The following CCDC178 variants were observed in gnomAD, a reference collection of about 807,000 sequenced individuals.
CCDC178 encodes the protein coiled-coil domain-containing protein 178.
CCDC178 carries 126 observed loss-of-function variants against 117.4 expected under a neutral mutation model. That is an observed-to-expected ratio of 1.07 (90% CI 0.93 to 1.24). The LOEUF (loss-of-function observed/expected upper bound fraction) is 1.24. CCDC178 is among the 50% of genes most tolerant of loss of function. CCDC178 has a pLI of 0.00. For missense variants in CCDC178, 1,030 were observed against 986.9 expected (o/e 1.04, Z -0.59); for synonymous variants, 283 against 313.4 (o/e 0.90, Z 1.02).
chr18:33,318,297 A>G lies in CCDC178; in HGVS notation c.1022+5194T>C, dbSNP rs569175898. Among the ~76,000 whole-genome samples the G allele has an allele frequency of 1.7e-4, 26 of 152,310 alleles. No individual in the cohort carries two copies. The South Asian group carries it at 5.4e-3, about 32-fold the overall frequency. ...CATCTTCTGGGTGAGTGGCTTTGTC[A>G]GTAAAATGAATATCAGGGAGGAGAA... On this transcript the variant is annotated intron_variant, in intron 11 of 22. Coordinates refer to ENST00000383096, the MANE Select transcript of CCDC178 (RefSeq NM_001105528.4).
rs1381792230 is a variant in CCDC178 at position 32,938,042 on chromosome 18, A to G, written c.2573T>C (p.Leu858Ser). The change falls in exon 23 of 23, where the codon TTG (leucine) becomes TCG (serine). Residue 858 changes from leucine to serine, a missense_variant. Physicochemically the swap from Leu to Ser is moderately radical, Grantham distance 145 (BLOSUM62 -2). Transcript: ENST00000383096. ...ATCGTTTTCGCATGTGCCATCTGTC[A>G]AAGTCTGGAAGAAACCTAAGATGTG... The part of the protein sequence containing the change: ...MQHILGFFQT[L>S]TDGTCENDG The G allele has an allele frequency of 2.5e-6, 4 of 1,613,894 alleles. No homozygotes were observed. Among genetic ancestry groups the G allele is most frequent in the Non-Finnish European group, 2.5e-6 (3 of 1,179,806 alleles).
intron 6 of CCDC178, among the ~76,000 whole-genome samples, chr18:33,366,772 C>G (rs1247372601): frequency 1.3e-5 from 2 of 151,954 alleles, no homozygotes; most frequent in East Asian, 3.9e-4. Context: ...TCTGCCTAAC[C>G]CCTGGAAACT....
intron 14 of CCDC178, among the ~76,000 whole-genome samples, chr18:33,262,432 T>G (rs927831458): frequency 1.3e-5 from 2 of 152,164 alleles, no homozygotes; most frequent in Non-Finnish European, 2.9e-5. Flanking sequence ...ACCATCAAAC[T>G]AGTTTTTCAA....
At chr18:33,322,542 C>T (rs1044241560) in intron 11 of CCDC178, among the ~76,000 whole-genome samples, 15 of 151,558 alleles carry the variant, frequency 9.9e-5, no homozygotes, top group African/African-American at 3.6e-4. Flanking sequence ...CACGGAAATA[C>T]AATTCAACTG....
intron 20 of CCDC178, among the ~76,000 whole-genome samples, chr18:33,172,331 A>G (rs2058611877): frequency 6.6e-6 from 1 of 152,296 alleles, no homozygotes; most frequent in African/African-American, 2.4e-5. Flanking sequence ...CTGTCCCTGG[A>G]AAATGTATAA....
intron 20 of CCDC178, among the ~76,000 whole-genome samples, chr18:33,170,279 CAAG>C (rs1411777989): frequency 6.6e-6 from 1 of 152,096 alleles, no homozygotes; most frequent in East Asian, 1.9e-4. Context: ...AATAGGCTAA[CAAG>C]AAAGACTGTG....
At chr18:33,371,654 C>T (rs2063301443) in intron 5 of CCDC178, among the ~76,000 whole-genome samples, 1 of 151,866 alleles carries the variant, frequency 6.6e-6, no homozygotes, top group South Asian at 2.1e-4. Flanking sequence ...TTTGAATGCT[C>T]CTTCATAATA....
intron 2 of CCDC178, among the ~76,000 whole-genome samples, chr18:33,428,730 CA>C (rs35234261): frequency 0.059 from 2,503 of 42,398 alleles, 26 homozygotes; most frequent in African/African-American, 0.14. Flanking sequence ...GACTCTGTCT[CA>C]AAAAAAAAAA....
chr18:33,418,266 G>A (rs1442155935), intron 2 of CCDC178, among the ~76,000 whole-genome samples: 1 of 152,048 alleles, frequency 6.6e-6, no homozygotes, highest in Admixed American at 6.6e-5. Flanking sequence ...ATGCAGAAAA[G>A]GCTTTTGATA....
chr18:33,057,553 G>A (rs559567991), intron 21 of CCDC178, among the ~76,000 whole-genome samples: 3 of 152,122 alleles, frequency 2.0e-5, no homozygotes, highest in South Asian at 2.1e-4. Context: ...GTGCAATGGC[G>A]CGATCTGGGC....
chr18:33,192,961 A>C (rs2058879311), intron 20 of CCDC178, among the ~76,000 whole-genome samples: 4 of 149,710 alleles, frequency 2.7e-5, no homozygotes, highest in Admixed American at 2.0e-4. Flanking sequence ...GAAGCAGAGA[A>C]TAAAATGACA....
At chr18:33,186,443 G>T (rs1320177046) in intron 20 of CCDC178, among the ~76,000 whole-genome samples, 1 of 151,996 alleles carries the variant, frequency 6.6e-6, no homozygotes, top group East Asian at 1.9e-4. Flanking sequence ...ACCTGAGAAA[G>T]TATTTTCTTA....
intron 20 of CCDC178, among the ~76,000 whole-genome samples, chr18:33,140,365 GAC>G (rs1172138326): frequency 6.6e-6 from 1 of 152,124 alleles, no homozygotes; most frequent in African/African-American, 2.4e-5. Context: ...GCCCGGAAAA[GAC>G]ACAGACACTC....
chr18:33,005,219 C>T (rs1397053464), intron 21 of CCDC178, among the ~76,000 whole-genome samples: 1 of 151,978 alleles, frequency 6.6e-6, no homozygotes, highest in Non-Finnish European at 1.5e-5. Flanking sequence ...AACCTAAATG[C>T]CTATCAACAG....
At chr18:33,430,970 G>A (rs1465946467) in intron 2 of CCDC178, among the ~76,000 whole-genome samples, 1 of 151,640 alleles carries the variant, frequency 6.6e-6, no homozygotes, top group Non-Finnish European at 1.5e-5. Flanking sequence ...AGCTACTCGG[G>A]AGGCTGAGGC....
chr18:33,403,404 T>G (rs1197762149), intron 3 of CCDC178, among the ~76,000 whole-genome samples: 2 of 151,228 alleles, frequency 1.3e-5, no homozygotes, highest in African/African-American at 4.9e-5. Flanking sequence ...AAGCAAACCC[T>G]AGAGAAGAAG....
intron 22 of CCDC178, among the ~76,000 whole-genome samples, chr18:32,950,898 A>T (rs902736402): frequency 6.6e-6 from 1 of 152,214 alleles, no homozygotes; most frequent in Non-Finnish European, 1.5e-5. Flanking sequence ...TTACAGCTGA[A>T]TACCTTCCCC....
At chr18:33,257,014 C>T (rs1471507997) in intron 14 of CCDC178, among the ~76,000 whole-genome samples, 2 of 151,870 alleles carry the variant, frequency 1.3e-5, no homozygotes, top group African/African-American at 4.8e-5. Flanking sequence ...AATTAAGAAC[C>T]TTATCATTGT....
chr18:32,942,771 C>T (rs548057246), intron 22 of CCDC178, among the ~76,000 whole-genome samples: 3 of 152,042 alleles, frequency 2.0e-5, no homozygotes, highest in Non-Finnish European at 4.4e-5. Context: ...ATTAATGCTT[C>T]GCAGTGCACT....
Sources: gnomAD v4.1 joint callset for allele counts (sites outside exome capture counted in the v4.1 genomes callset) on GRCh38, gnomAD v4.1.1 for gene constraint, MANE v1.5 for transcripts, NCBI Gene and HGNC (gene_info 2026-07-23, HGNC 2026-07-21) for gene names.